Variants in GLRA2 observed in about 807,000 individuals in gnomAD.
GLRA2 encodes the protein glycine receptor alpha 2.
Under a neutral mutation model 31.6 loss-of-function variants are expected in GLRA2, and 11 were observed. The observed-to-expected ratio is 0.35, with a 90% CI of 0.22 to 0.58. The LOEUF is 0.58. GLRA2 is among the 20% of genes least tolerant of loss of function. The pLI, the probability that GLRA2 is intolerant of heterozygous loss-of-function variation, is 0.84. For synonymous variants in GLRA2, 132 were observed against 134.0 expected (o/e 0.99, Z 0.10); for missense variants, 212 against 351.8 (o/e 0.60, Z 3.18).
chrX:14,651,667 A>G (rs1299721145), intron 7 of GLRA2, among the ~76,000 whole-genome samples: 1 of 111,908 alleles, frequency 8.9e-6, no homozygotes, highest in Non-Finnish European at 1.9e-5. Flanking sequence ...CTAGGTTTCT[A>G]TAAGTACAAT....
chrX:14,557,863 C>G (rs2089673837), intron 2 of GLRA2, among the ~76,000 whole-genome samples: 1 of 111,269 alleles, frequency 9.0e-6, no homozygotes, highest in Non-Finnish European at 1.9e-5. Context: ...TAGAGAAAGC[C>G]TATTTTAAAA....
intron 2 of GLRA2, among the ~76,000 whole-genome samples, chrX:14,561,931 T>G (rs1366367945): frequency 8.9e-6 from 1 of 112,451 alleles, no homozygotes; most frequent in Admixed American, 9.4e-5. Flanking sequence ...AAGAATGTTT[T>G]AATTGAATTA....
chrX:14,451,602 C>T, the GLRA2 span, among the ~76,000 whole-genome samples: 1 of 98,917 alleles, frequency 1.0e-5, no homozygotes, highest in African/African-American at 3.8e-5. Context: ...CACGATCACA[C>T]CACTGCACTC....
At position 14,730,785 on chromosome X, in the gene GLRA2, A is replaced by G; in HGVS notation, c.*300A>G. 3.9e-6 allele frequency: 1 copy of G among 257,927 alleles called. No homozygotes were observed. Among genetic ancestry groups the G allele is most frequent in the Non-Finnish European group, 7.0e-6 (1 of 143,075 alleles). The allele number at this position is 257,927 out of a possible 1,213,427, so 21.3% of individuals were successfully genotyped here. A position where few individuals can be genotyped will look rare whatever the true frequency, so the allele number is the denominator to read the frequency against. ...CGCAACATTCAGACATGATATGCGC[A>G]TCATTCAGACATGATATGCGGGGTC... On this transcript the variant is annotated 3_prime_UTR_variant, in exon 9 of 9. Transcript: ENST00000218075.
Position 14,731,144 on chromosome X carries a change from T to TAACA in GLRA2, c.*661_*664dup, listed in dbSNP as rs1255592324. On this transcript the variant is annotated 3_prime_UTR_variant, in exon 9 of 9. Transcript: ENST00000218075. The stretch of plus-strand genomic sequence containing the variant: ...AAATTATTTCTACTTATCCAGTAAA[T>TAACA]AACAATGACAAAATAAACACCAATG... 4.5e-5 allele frequency: 5 copies of TAACA among 112,210 alleles called. No homozygotes were observed. The highest frequency in any genetic ancestry group is 1.6e-4 in the African/African-American group (5 of 30,798). 9.2% of individuals were successfully genotyped at this position (112,210 alleles called of 1,213,427 possible).
the GLRA2 span, among the ~76,000 whole-genome samples, chrX:14,463,854 G>A: frequency 3.6e-5 from 4 of 111,572 alleles, no homozygotes; most frequent in Non-Finnish European, 5.7e-5. Flanking sequence ...GCCCTGCTTC[G>A]GCTCACCCTC....
chrX:14,651,395 AATT>A (rs777631341), intron 7 of GLRA2, among the ~76,000 whole-genome samples: 1 of 111,567 alleles, frequency 9.0e-6, no homozygotes, highest in Non-Finnish European at 1.9e-5. Context: ...ATTATTATAT[AATT>A]ATTATAATAT....
At chrX:14,676,386 T>G (rs1480678605) in intron 7 of GLRA2, among the ~76,000 whole-genome samples, 1 of 112,487 alleles carries the variant, frequency 8.9e-6, no homozygotes, top group East Asian at 2.8e-4. Context: ...TTCATTTTGT[T>G]TCTTTTCTAT....
At chrX:14,697,396 A>T (rs772017566) in intron 8 of GLRA2, among the ~76,000 whole-genome samples, 103 of 112,296 alleles carry the variant, frequency 9.2e-4, no homozygotes, top group African/African-American at 3.2e-3. Context: ...ATTCTGTCAT[A>T]GGGTGATCCT....
intron 7 of GLRA2, among the ~76,000 whole-genome samples, chrX:14,683,988 A>G (rs780046108): frequency 9.0e-6 from 1 of 111,296 alleles, no homozygotes; most frequent in African/African-American, 3.3e-5. Context: ...CATTAATTTG[A>G]TGGGATTTTG....
In GLRA2 at chrX:14,654,998, C is replaced by T. The variant is rs2090926111; in HGVS notation, c.931-35712C>T. The stretch of plus-strand genomic sequence containing the variant: ...GAAACTGCCCCCATGATTCAATTAT[C>T]TCCCACTGGGTCCCTCCCATAACAT... On this transcript the variant is annotated intron_variant, in intron 7 of 8. Transcript: ENST00000218075. Among the ~76,000 whole-genome samples the T allele has an allele frequency of 2.7e-5, 3 of 111,381 alleles. No homozygotes were observed. The South Asian group carries it at 1.2e-3, about 43-fold the overall frequency.
chrX:14,704,777 G>A (rs1246238777), intron 8 of GLRA2, among the ~76,000 whole-genome samples: 1 of 112,107 alleles, frequency 8.9e-6, no homozygotes. Context: ...AATAGTTTTT[G>A]AATGCTTGCC....
the GLRA2 span, among the ~76,000 whole-genome samples, chrX:14,493,698 TATGTATAC>T: frequency 3.1e-5 from 3 of 97,067 alleles, no homozygotes; most frequent in African/African-American, 1.2e-4. Context: ...TACACGTATA[TATGTATAC>T]ACATGTATAC....
chrX:14,709,284 C>T (rs981521167), intron 8 of GLRA2, among the ~76,000 whole-genome samples: 3 of 111,631 alleles, frequency 2.7e-5, no homozygotes, highest in East Asian at 2.8e-4. Flanking sequence ...GTGCCAAATA[C>T]TGTGTTACAT....
At chrX:14,526,063 G>A (rs1569483632), upstream of GLRA2, among the ~76,000 whole-genome samples, 1 of 112,120 alleles carries the variant, frequency 8.9e-6, no homozygotes, top group Non-Finnish European at 1.9e-5. Context: ...GAGTTGGAGA[G>A]CACTATGAAG....
At chrX:14,602,994 G>T (rs2090293031) in intron 4 of GLRA2, among the ~76,000 whole-genome samples, 1 of 110,946 alleles carries the variant, frequency 9.0e-6, no homozygotes, top group African/African-American at 3.3e-5. Flanking sequence ...TTCTTTAAGG[G>T]ATCTCCACAT....
the GLRA2 span, among the ~76,000 whole-genome samples, chrX:14,468,053 A>G: frequency 8.9e-6 from 1 of 111,771 alleles, no homozygotes; most frequent in African/African-American, 3.3e-5. Context: ...AGAATGAGGT[A>G]TCAAGAGAAA....
chrX:14,627,735 A>T (rs1225729691), intron 7 of GLRA2, among the ~76,000 whole-genome samples: 1 of 111,800 alleles, frequency 8.9e-6, no homozygotes, highest in Non-Finnish European at 1.9e-5. Flanking sequence ...GCTTTCTGTC[A>T]TTGGAGAGAA....
At chrX:14,567,921 A>G (rs1432191196) in intron 2 of GLRA2, among the ~76,000 whole-genome samples, 3 of 112,427 alleles carry the variant, frequency 2.7e-5, no homozygotes, top group African/African-American at 9.7e-5. Context: ...TTAACCAAAC[A>G]TGTGAAAGTT....
Sources: allele counts gnomAD v4.1 joint callset (sites outside exome capture counted in the v4.1 genomes callset), GRCh38; gene constraint gnomAD v4.1.1; transcripts MANE v1.5; gene names NCBI Gene and HGNC (gene_info 2026-07-23, HGNC 2026-07-21).